PTPN12: variants seen among roughly 807,000 people sequenced by gnomAD.
PTPN12 encodes tyrosine-protein phosphatase non-receptor type 12.
Under a neutral mutation model 97.6 loss-of-function variants are expected in PTPN12, and 29 were observed. The ratio of observed to expected loss-of-function variants is 0.30; its 90% CI spans 0.22 to 0.41. PTPN12 has a LOEUF of 0.41. Among genes scored for constraint, PTPN12 ranks in the 10% least tolerant of loss-of-function variants. The pLI, the probability that PTPN12 is intolerant of heterozygous loss-of-function variation, is 1.00. For missense variants in PTPN12, 819 were observed against 926.0 expected (o/e 0.88, Z 1.50); for synonymous variants, 327 against 300.4 (o/e 1.09, Z -0.91).
chr7:77,594,396 C>T (rs890916501), intron 6 of PTPN12, among the ~76,000 whole-genome samples: 11 of 152,216 alleles, frequency 7.2e-5, no homozygotes, highest in Non-Finnish European at 1.5e-4. Flanking sequence ...GAAATACCAA[C>T]CCTCCTTCAC....
chr7:77,625,502 TCTCTCTCTCTCTCTCTCTCTCA>T (rs1173761172), intron 12 of PTPN12, among the ~76,000 whole-genome samples: 2 of 107,002 alleles, frequency 1.9e-5, no homozygotes, highest in African/African-American at 7.4e-5. Flanking sequence ...TCTCTCTCTC[TCTCTCTCTCTCTCTCTCTCTCA>T]CTCTCACTCT....
chr7:77,565,579 CTT>C (rs1177966970), intron 1 of PTPN12, among the ~76,000 whole-genome samples: 2 of 152,212 alleles, frequency 1.3e-5, no homozygotes, highest in African/African-American at 4.8e-5. Context: ...ATTTAACAAA[CTT>C]TAAACATTCT....
At chr7:77,561,982 G>A (rs1808020077) in intron 1 of PTPN12, among the ~76,000 whole-genome samples, 1 of 151,542 alleles carries the variant, frequency 6.6e-6, no homozygotes, top group Non-Finnish European at 1.5e-5. Context: ...AGTAGAGACG[G>A]GGTTTCACCG....
At chr7:77,631,106 C>T (rs970857265) in intron 13 of PTPN12, among the ~76,000 whole-genome samples, 5 of 151,966 alleles carry the variant, frequency 3.3e-5, no homozygotes, top group African/African-American at 9.7e-5. Flanking sequence ...TTCCAACAGC[C>T]ATCTCTTCAC....
chr7:77,628,779 C>G (rs1789292801), intron 13 of PTPN12, among the ~76,000 whole-genome samples: 1 of 151,998 alleles, frequency 6.6e-6, no homozygotes, highest in African/African-American at 2.4e-5. Flanking sequence ...CTCAAGTGAT[C>G]TGCCCACCTA....
At chr7:77,586,932 G>T (rs1201303266) in intron 5 of PTPN12, among the ~76,000 whole-genome samples, 1 of 152,116 alleles carries the variant, frequency 6.6e-6, no homozygotes, top group East Asian at 1.9e-4. Context: ...TGAGATTGTG[G>T]CAATTCATTT....
chr7:77,554,249 G>A (rs1228301605), intron 1 of PTPN12, among the ~76,000 whole-genome samples: 1 of 152,224 alleles, frequency 6.6e-6, no homozygotes, highest in African/African-American at 2.4e-5. Context: ...ATAGGCATGA[G>A]CCACTGTGCC....
chr7:77,598,329 C>T (rs1788085655), intron 7 of PTPN12, among the ~76,000 whole-genome samples: 2 of 152,132 alleles, frequency 1.3e-5, no homozygotes. Context: ...ATTTGTATTC[C>T]AGACCTCAGC....
At chr7:77,582,973 T>C (rs1447585094) in intron 3 of PTPN12, among the ~76,000 whole-genome samples, 1 of 152,196 alleles carries the variant, frequency 6.6e-6, no homozygotes, top group Non-Finnish European at 1.5e-5. Flanking sequence ...TTTAAGGCTG[T>C]TTGTTAAAAG....
chr7:77,571,703 A>G (rs890803544), intron 2 of PTPN12, among the ~76,000 whole-genome samples: 1 of 77,648 alleles, frequency 1.3e-5, no homozygotes, highest in Non-Finnish European at 3.0e-5. Context: ...TATTTTATTT[A>G]TTTATTTATT....
chr7:77,552,801 A>G (rs1190629750), intron 1 of PTPN12, among the ~76,000 whole-genome samples: 1 of 152,218 alleles, frequency 6.6e-6, no homozygotes, highest in East Asian at 1.9e-4. Flanking sequence ...CCTGGCCATT[A>G]CTTACTATGT....
chr7:77,606,165 G>A (rs1210654172), intron 8 of PTPN12, among the ~76,000 whole-genome samples: 1 of 151,734 alleles, frequency 6.6e-6, no homozygotes, highest in Non-Finnish European at 1.5e-5. Context: ...TGTTGGCCAG[G>A]GTGGTCTCAA....
intron 1 of PTPN12, chr7:77,538,157 C>T (rs1806756112): frequency 1.0e-6 from 1 of 963,344 alleles, no homozygotes. Flanking sequence ...TCAAAGCGGG[C>T]AGGGTAGGAC....
In PTPN12 at chr7:77,639,327, G is replaced by C; in HGVS notation, c.*47G>C. The C allele has an allele frequency of 7.0e-7, 1 of 1,420,222 alleles. No homozygotes were observed. Among genetic ancestry groups the C allele is most frequent in the Non-Finnish European group, 9.9e-7 (1 of 1,010,616 alleles). 88.0% of individuals were successfully genotyped at this position (1,420,222 alleles called of 1,614,324 possible). A position where few individuals can be genotyped will look rare whatever the true frequency, so the allele number is the denominator to read the frequency against. Reference sequence around the variant, plus strand: ...TTAAGTTATACTGGAAAATTCAGGTGCCACTGAAAGCCAGATTTATAGTAT... The same window carrying C: ...TTAAGTTATACTGGAAAATTCAGGTCCCACTGAAAGCCAGATTTATAGTAT... On this transcript the variant is annotated 3_prime_UTR_variant, in exon 18 of 18. Coordinates refer to ENST00000248594, the MANE Select transcript of PTPN12 (RefSeq NM_002835.4).
intron 11 of PTPN12, among the ~76,000 whole-genome samples, chr7:77,614,053 G>A (rs1317338843): frequency 7.1e-6 from 1 of 140,990 alleles, no homozygotes; most frequent in Admixed American, 7.1e-5. Context: ...ACCACACCTA[G>A]CTAATTAAAA....
intron 14 of PTPN12, among the ~76,000 whole-genome samples, chr7:77,633,463 G>A (rs1336739717): frequency 1.3e-5 from 2 of 151,910 alleles, no homozygotes; most frequent in Admixed American, 6.6e-5. Flanking sequence ...CAAAAAATTA[G>A]CTGTGTGTGG....
intron 7 of PTPN12, among the ~76,000 whole-genome samples, chr7:77,599,645 T>A (rs1788131026): frequency 6.6e-6 from 1 of 152,172 alleles, no homozygotes; most frequent in Non-Finnish European, 1.5e-5. Context: ...CTTAATGAAT[T>A]TCTGTGGTAG....
chr7:77,585,849 CAA>C (rs1787673583), intron 5 of PTPN12, among the ~76,000 whole-genome samples: 1 of 152,118 alleles, frequency 6.6e-6, no homozygotes, highest in African/African-American at 2.4e-5. Flanking sequence ...GCAATTCAAA[CAA>C]ATTTTTTGTT....
At chr7:77,557,065 CAT>C (rs531665246) in intron 1 of PTPN12, among the ~76,000 whole-genome samples, 211 of 152,180 alleles carry the variant, frequency 1.4e-3, no homozygotes, top group African/African-American at 4.9e-3. Context: ...CTCGTGGCCT[CAT>C]GTGATCCTCC....
Sources: allele counts gnomAD v4.1 joint callset (sites outside exome capture counted in the v4.1 genomes callset), GRCh38; gene constraint gnomAD v4.1.1; transcripts MANE v1.5; gene names NCBI Gene and HGNC (gene_info 2026-07-23, HGNC 2026-07-21).